Variants in HS1BP3 observed in about 807,000 individuals in gnomAD.
HS1BP3 encodes HCLS1-binding protein 3.
In HS1BP3, 32 loss-of-function variants were observed where a neutral mutation model predicts 33.5. The observed-to-expected ratio is 0.95, with a 90% confidence interval of 0.72 to 1.28. The LOEUF (loss-of-function observed/expected upper bound fraction) is 1.28, where lower values mean the gene tolerates loss of function less well. HS1BP3 is among the 50% of genes most tolerant of loss of function. The probability of loss-of-function intolerance (pLI) is 0.00; values close to 1 mark genes in which losing one functional copy is unlikely to be tolerated. For missense variants in HS1BP3, 486 were observed against 502.3 expected (o/e 0.97, Z 0.31); for synonymous variants, 187 against 209.2 (o/e 0.89, Z 0.92).
At chr2:20,572,918 G>C (rs776581897) in intron 5 of HS1BP3, among the ~76,000 whole-genome samples, 4 of 152,146 alleles carry the variant, frequency 2.6e-5, no homozygotes, top group Non-Finnish European at 5.9e-5. Context: ...CAGCCTTCCT[G>C]TCTGCCAGCA....
intron 5 of HS1BP3, among the ~76,000 whole-genome samples, chr2:20,583,770 C>G (rs1693615947): frequency 6.6e-6 from 1 of 152,184 alleles, no homozygotes; most frequent in African/African-American, 2.4e-5. Flanking sequence ...AGGAGCCTCT[C>G]ATCATGACAC....
chr2:20,614,436 C>T (rs1324060248), downstream of HS1BP3, among the ~76,000 whole-genome samples: 9 of 152,176 alleles, frequency 5.9e-5, no homozygotes, highest in Admixed American at 4.6e-4. Context: ...CAGAGAGGGC[C>T]GCATGGAGGA....
At chr2:20,572,955 G>A (rs1306088609) in intron 5 of HS1BP3, among the ~76,000 whole-genome samples, 9 of 152,176 alleles carry the variant, frequency 5.9e-5, no homozygotes, top group Admixed American at 5.9e-4. Context: ...GGTCCCCAGG[G>A]CCACAGCCTA....
intron 4 of HS1BP3, among the ~76,000 whole-genome samples, chr2:20,633,729 A>G (rs7597310): frequency 1 from 151,666 of 152,322 alleles, 75,507 homozygotes; most frequent in Non-Finnish European, 1. Context: ...CACCATGTTG[A>G]CCAGGCTGGT....
intron 2 of HS1BP3, chr2:20,606,211 G>T: frequency 4.9e-6 from 1 of 202,126 alleles, no homozygotes; most frequent in Non-Finnish European, 1.0e-5. Flanking sequence ...TGATTTCACT[G>T]AGCATATTTT....
At chr2:20,566,118 C>G (rs573055524) in intron 5 of HS1BP3, among the ~76,000 whole-genome samples, 9 of 152,378 alleles carry the variant, frequency 5.9e-5, no homozygotes, top group African/African-American at 2.2e-4. Flanking sequence ...GGCTCTGCAG[C>G]TCCTGCTACA....
At chr2:20,639,177 C>T (rs1460147428) in intron 3 of HS1BP3, among the ~76,000 whole-genome samples, 4 of 152,186 alleles carry the variant, frequency 2.6e-5, no homozygotes, top group Non-Finnish European at 5.9e-5. Flanking sequence ...CCAGGGTAAG[C>T]ATGTGGAAGA....
intron 5 of HS1BP3, among the ~76,000 whole-genome samples, chr2:20,565,654 G>A (rs945221066): frequency 7.2e-5 from 11 of 152,242 alleles, no homozygotes; most frequent in African/African-American, 2.4e-4. Context: ...ACTAGGGTAC[G>A]TCTAATAACA....
intron 5 of HS1BP3, among the ~76,000 whole-genome samples, chr2:20,573,010 C>T (rs762895443): frequency 3.9e-5 from 6 of 152,180 alleles, no homozygotes; most frequent in Non-Finnish European, 8.8e-5. Flanking sequence ...CAGAATACTA[C>T]CAAAAGTACC....
intron 3 of HS1BP3, among the ~76,000 whole-genome samples, chr2:20,595,285 C>T (rs553871939): frequency 2.0e-5 from 3 of 152,298 alleles, no homozygotes; most frequent in African/African-American, 7.2e-5. Context: ...GCTGTAACTA[C>T]CCTGGGACAG....
chr2:20,646,657 A>G (rs1030575831), intron 1 of HS1BP3, among the ~76,000 whole-genome samples: 2 of 152,276 alleles, frequency 1.3e-5, no homozygotes, highest in Non-Finnish European at 2.9e-5. Flanking sequence ...CAAGGGCCGA[A>G]TGGGCACTGG....
At position 20,562,819 on chromosome 2, in the gene HS1BP3, C is replaced by T. The variant is rs568759375; in HGVS notation, c.303-2304G>A. ...TGGTGGCGGGAAAACAACTCGCACA[C>T]GTCTGGTGTTGGAAGCATTGTGTTG... On this transcript the variant is annotated intron_variant, in intron 5 of 5. Transcript: ENST00000446825. 6.6e-5 allele frequency among the ~76,000 whole-genome samples: 10 copies of T among 152,280 alleles called. 1 individual carries two copies. In the South Asian group the frequency reaches 1.5e-3, roughly 22 times the overall value.
At chr2:20,608,574 C>CAAA (rs60486220) in intron 2 of HS1BP3, among the ~76,000 whole-genome samples, 15 of 96,332 alleles carry the variant, frequency 1.6e-4, no homozygotes, top group South Asian at 3.6e-4. Context: ...AACTCCGTCT[C>CAAA]AAAAAAAAAA....
chr2:20,650,895 C>T (rs1265545055), intron 1 of HS1BP3, 137 bp downstream of exon 1: 2 of 732,142 alleles, frequency 2.7e-6, no homozygotes, highest in African/African-American at 1.8e-5. Context: ...AGGGGCCCAG[C>T]CCGGATAAGC....
chr2:20,601,516 C>A (rs911588123), intron 2 of HS1BP3, among the ~76,000 whole-genome samples: 1 of 152,094 alleles, frequency 6.6e-6, no homozygotes, highest in South Asian at 2.1e-4. Context: ...GTGGGAGGGA[C>A]CCGGTGGGAG....
intron 3 of HS1BP3, among the ~76,000 whole-genome samples, chr2:20,595,292 A>G (rs1425759582): frequency 6.6e-6 from 1 of 152,136 alleles, no homozygotes; most frequent in African/African-American, 2.4e-5. Flanking sequence ...CTACCCTGGG[A>G]CAGAGCTGTG....
chr2:20,608,994 C>T (rs1474837620), intron 2 of HS1BP3, among the ~76,000 whole-genome samples: 2 of 152,196 alleles, frequency 1.3e-5, no homozygotes, highest in African/African-American at 4.8e-5. Context: ...GTCAGGCTTG[C>T]TGAGAAGAGC....
At chr2:20,590,231 G>C (rs993971089), downstream of HS1BP3, among the ~76,000 whole-genome samples, 1 of 152,160 alleles carries the variant, frequency 6.6e-6, no homozygotes, top group African/African-American at 2.4e-5. Context: ...TGCAGCCACG[G>C]CTCCAGACTT....
At chr2:20,561,599 G>A (rs559600745) in intron 5 of HS1BP3, among the ~76,000 whole-genome samples, 63 of 152,144 alleles carry the variant, frequency 4.1e-4, no homozygotes, top group Non-Finnish European at 6.5e-4. Context: ...ATGCATATGC[G>A]TACACAAGCA....
Sources: allele counts gnomAD v4.1 joint callset (sites outside exome capture counted in the v4.1 genomes callset), GRCh38; gene constraint gnomAD v4.1.1; transcripts MANE v1.5; gene names NCBI Gene and HGNC (gene_info 2026-07-23, HGNC 2026-07-21).